NPHP4: variants seen among roughly 807,000 people sequenced by gnomAD.
The protein encoded by NPHP4 is nephrocystin 4, also known as nephrocystin-4.
NPHP4 carries 151 observed loss-of-function variants against 155.8 expected under a neutral mutation model. The observed-to-expected ratio is 0.97, with a 90% CI of 0.85 to 1.11. The LOEUF (loss-of-function observed/expected upper bound fraction) is 1.11. Among genes scored for constraint, NPHP4 ranks in the 50% least tolerant of loss-of-function variants. The probability of loss-of-function intolerance (pLI) is 0.00; values close to 1 mark genes in which losing one functional copy is unlikely to be tolerated. For synonymous variants in NPHP4, 845 were observed against 816.8 expected (o/e 1.03, Z -0.59); for missense variants, 1,956 against 1,925.7 (o/e 1.02, Z -0.29).
intron 10 of NPHP4, among the ~76,000 whole-genome samples, chr1:5,932,729 A>T (rs1001446226): frequency 3.9e-5 from 6 of 152,112 alleles, no homozygotes; most frequent in African/African-American, 1.4e-4. Flanking sequence ...AAGGTCCAAC[A>T]AGCATTAGTG....
At chr1:5,957,428 T>C (rs1345247740) in intron 6 of NPHP4, among the ~76,000 whole-genome samples, 3 of 152,186 alleles carry the variant, frequency 2.0e-5, no homozygotes, top group African/African-American at 7.2e-5. Flanking sequence ...GGATATTTAA[T>C]TCAGCAGAAT....
intron 1 of NPHP4, among the ~76,000 whole-genome samples, chr1:5,988,417 G>C (rs1463090325): frequency 6.6e-6 from 1 of 152,226 alleles, no homozygotes; most frequent in Non-Finnish European, 1.5e-5. Context: ...TTGCAAGAAT[G>C]CAAAAGAATC....
intron 2 of NPHP4, among the ~76,000 whole-genome samples, chr1:5,980,636 G>A (rs761091907): frequency 4.6e-5 from 7 of 152,096 alleles, no homozygotes; most frequent in East Asian, 1.9e-4. Context: ...AGCAGGCACC[G>A]CTGGGCTCTG....
At position 5,905,775 on chromosome 1, in the gene NPHP4, G is replaced by A; in HGVS notation, c.1620C>T (p.Phe540=). The change falls in exon 14 of 30, where the codon TTC becomes TTT. Residue 540 remains phenylalanine, a synonymous_variant. Transcript: ENST00000378156. The surrounding 1 kb of genome is among the most constrained non-coding windows in gnomAD (Gnocchi z 4.0). The part of the protein sequence containing the change: ...SQASPAQAQE[F]PLEAGISHLE... Reference sequence around the variant, plus strand: ...GGTGGGAGATACCGGCCTCCAACGGGAACTCCTGCTGAACAAAACGAGGGC... The same window carrying A: ...GGTGGGAGATACCGGCCTCCAACGGAAACTCCTGCTGAACAAAACGAGGGC... The A allele has an allele frequency of 6.2e-7, 1 of 1,607,030 alleles. No individual in the cohort carries two copies. Among genetic ancestry groups the A allele is most frequent in the Non-Finnish European group, 8.5e-7 (1 of 1,176,668 alleles).
chr1:5,961,824 G>T lies in NPHP4; in HGVS notation c.643C>A (p.Pro215Thr). The stretch of plus-strand genomic sequence containing the variant: ...TCTCCATGAGCTGGAAGCAGGCCAG[G>T]TATCTGCTGCAGACCAGACACCAGA... ...NLLVSGLQQI[P>T]GLLPAHGESG... Residue 215 changes from proline (P) to threonine (T), a missense_variant, in exon 6 of 30, where the codon CCT becomes ACT. Physicochemically the swap from Pro to Thr is conservative, Grantham distance 38. Coordinates refer to ENST00000378156, the MANE Select transcript of NPHP4 (RefSeq NM_015102.5). 1.2e-6 allele frequency: 2 copies of T among 1,613,292 alleles called. No individual in the cohort carries two copies. Among genetic ancestry groups the T allele is most frequent in the Non-Finnish European group, 1.7e-6 (2 of 1,179,568 alleles).
chr1:5,965,305 TG>T (rs1020833102), intron 5 of NPHP4, among the ~76,000 whole-genome samples: 1 of 152,086 alleles, frequency 6.6e-6, no homozygotes, highest in African/African-American at 2.4e-5. Context: ...AAAAGCCCAC[TG>T]CAAGGATGAG....
intron 9 of NPHP4, among the ~76,000 whole-genome samples, chr1:5,940,351 C>T (rs1039316676): frequency 3.9e-5 from 6 of 152,158 alleles, no homozygotes; most frequent in Non-Finnish European, 5.9e-5. Flanking sequence ...GCACCTTGAT[C>T]TTGGACTCCC....
intron 9 of NPHP4, among the ~76,000 whole-genome samples, chr1:5,940,585 A>C (rs1646768485): frequency 6.6e-6 from 1 of 152,240 alleles, no homozygotes; most frequent in Admixed American, 6.5e-5. Flanking sequence ...AATAAGAGCT[A>C]CATAAAATGC....
chr1:5,965,947 T>G (rs1651426223), intron 5 of NPHP4, among the ~76,000 whole-genome samples: 1 of 152,148 alleles, frequency 6.6e-6, no homozygotes, highest in Non-Finnish European at 1.5e-5. Context: ...GCTGCGCACG[T>G]GCACGCTTCT....
intron 2 of NPHP4, among the ~76,000 whole-genome samples, chr1:5,985,083 G>C (rs1177275335): frequency 6.6e-6 from 1 of 152,216 alleles, no homozygotes; most frequent in Non-Finnish European, 1.5e-5. Flanking sequence ...CAGTGGCAAA[G>C]ACACAGCAGG....
chr1:5,948,583 G>A (rs1168251263), intron 7 of NPHP4, among the ~76,000 whole-genome samples: 4 of 152,166 alleles, frequency 2.6e-5, no homozygotes, highest in South Asian at 2.1e-4. Flanking sequence ...CAGCAAACTC[G>A]TACTTGGCTC....
At chr1:5,964,528 C>G (rs1395781728) in intron 5 of NPHP4, among the ~76,000 whole-genome samples, 2 of 152,156 alleles carry the variant, frequency 1.3e-5, no homozygotes, top group East Asian at 3.8e-4. Context: ...CTGTACAAGC[C>G]ATGCCTGGAG....
intron 9 of NPHP4, among the ~76,000 whole-genome samples, chr1:5,945,608 C>T (rs1023451272): frequency 2.6e-5 from 4 of 152,306 alleles, no homozygotes; most frequent in South Asian, 2.1e-4. Context: ...CCCTGCTCTC[C>T]GGCCTGAGGC....
At chr1:5,948,915 A>C (rs1047833913) in intron 7 of NPHP4, among the ~76,000 whole-genome samples, 1 of 152,216 alleles carries the variant, frequency 6.6e-6, no homozygotes, top group Non-Finnish European at 1.5e-5. Flanking sequence ...TCCCCTGGCT[A>C]TTAGTGTTTA....
chr1:5,948,457 G>C (rs1647264431), intron 7 of NPHP4, among the ~76,000 whole-genome samples: 1 of 152,228 alleles, frequency 6.6e-6, no homozygotes, highest in African/African-American at 2.4e-5. Flanking sequence ...CACTGCCCGG[G>C]CAGTTTTGGC....
chr1:5,875,104 C>T lies in NPHP4; in HGVS notation c.2818-4G>A. 6.3e-7 allele frequency: 1 copy of T among 1,593,014 alleles called. No homozygotes were observed. Among genetic ancestry groups the T allele is most frequent in the Non-Finnish European group, 8.5e-7 (1 of 1,173,454 alleles). The stretch of plus-strand genomic sequence containing the variant: ...GTGTGCGGACGCTCTGCTGCGCCTG[C>T]AGACAAGAGGACATGGGTGGACAGG... On this transcript the variant is annotated splice_region_variant and splice_polypyrimidine_tract_variant and intron_variant, in intron 20 of 29. Coordinates refer to ENST00000378156, the MANE Select transcript of NPHP4 (RefSeq NM_015102.5).
At chr1:5,977,224 G>A (rs1307971915) in intron 3 of NPHP4, among the ~76,000 whole-genome samples, 2 of 152,070 alleles carry the variant, frequency 1.3e-5, no homozygotes, top group African/African-American at 4.8e-5. Flanking sequence ...TCCCTAAGAA[G>A]ACCCTGTAGG....
chr1:5,906,215 T>C (rs1453192915), intron 13 of NPHP4, among the ~76,000 whole-genome samples: 2 of 152,228 alleles, frequency 1.3e-5, no homozygotes, highest in Non-Finnish European at 2.9e-5. Context: ...TACTCCAAGA[T>C]AAACTGTGGC....
intron 1 of NPHP4, among the ~76,000 whole-genome samples, chr1:5,992,035 G>A (rs1282562549): frequency 3.3e-5 from 5 of 152,032 alleles, no homozygotes; most frequent in African/African-American, 1.2e-4. Context: ...CGACGAGGGG[G>A]GACGCCTGCG....
Sources: gnomAD v4.1 joint callset for allele counts (sites outside exome capture counted in the v4.1 genomes callset) on GRCh38, gnomAD v4.1.1 for gene constraint, Gnocchi (gnomAD v3.1) non-coding constraint, MANE v1.5 for transcripts, NCBI Gene and HGNC (gene_info 2026-07-23, HGNC 2026-07-21) for gene names.